Variants in GPHN observed in about 807,000 individuals in gnomAD.
GPHN encodes the protein gephyrin.
A neutral mutation model predicts 95.5 loss-of-function variants in GPHN; 17 were observed. The observed-to-expected ratio is 0.18, with a 90% CI of 0.12 to 0.27. GPHN has a LOEUF of 0.27. GPHN is among the 10% of genes least tolerant of loss of function. The probability of loss-of-function intolerance (pLI) is 1.00; values close to 1 mark genes in which losing one functional copy is unlikely to be tolerated. For synonymous variants in GPHN, 320 were observed against 322.5 expected (o/e 0.99, Z 0.08); for missense variants, 660 against 978.1 (o/e 0.67, Z 4.34).
chr14:67,303,159 T>G, the GPHN span, among the ~76,000 whole-genome samples: 2 of 152,228 alleles, frequency 1.3e-5, no homozygotes. Flanking sequence ...TTTCCATCAT[T>G]GGAGAAAGTT....
At chr14:67,285,523 C>A in the GPHN span, among the ~76,000 whole-genome samples, 1 of 152,026 alleles carries the variant, frequency 6.6e-6, no homozygotes, top group Non-Finnish European at 1.5e-5. Context: ...CCCACCACCA[C>A]CCCTGGCTAA....
At chr14:67,103,621 A>T (rs527670820) in intron 13 of GPHN, among the ~76,000 whole-genome samples, 4 of 127,398 alleles carry the variant, frequency 3.1e-5, no homozygotes, top group South Asian at 2.7e-4. Context: ...TTATTCCTAA[A>T]TTTTTTTTGT....
chr14:67,507,299 T>C, the GPHN span, among the ~76,000 whole-genome samples: 1 of 151,102 alleles, frequency 6.6e-6, no homozygotes, highest in Non-Finnish European at 1.5e-5. Flanking sequence ...CAGTGAGCTA[T>C]GATTATGCCA....
the GPHN span, chr14:67,382,604 A>G: frequency 6.2e-7 from 1 of 1,613,712 alleles, no homozygotes; most frequent in Non-Finnish European, 8.5e-7. Flanking sequence ...AGATCAATAG[A>G]TTCATTTTTA....
chr14:67,693,035 C>T, the GPHN span: 2 of 1,612,836 alleles, frequency 1.2e-6, no homozygotes, highest in Non-Finnish European at 1.7e-6. Flanking sequence ...TGTACACACC[C>T]CACTGGACAG....
the GPHN span, among the ~76,000 whole-genome samples, chr14:67,506,411 C>T: frequency 6.6e-6 from 1 of 152,134 alleles, no homozygotes; most frequent in Non-Finnish European, 1.5e-5. Flanking sequence ...TTGATGAGTA[C>T]ATTCCAATGA....
At chr14:66,644,433 CA>C (rs769574477) in intron 1 of GPHN, among the ~76,000 whole-genome samples, 1 of 151,906 alleles carries the variant, frequency 6.6e-6, no homozygotes, top group Non-Finnish European at 1.5e-5. Context: ...TTATCTATGC[CA>C]CCCACTACCA....
the GPHN span, among the ~76,000 whole-genome samples, chr14:67,422,323 C>T: frequency 6.6e-6 from 1 of 152,162 alleles, no homozygotes; most frequent in South Asian, 2.1e-4. Flanking sequence ...AACGCTTTCC[C>T]CTGGCTCCTG....
the GPHN span, among the ~76,000 whole-genome samples, chr14:67,531,477 C>T: frequency 1.3e-5 from 2 of 152,078 alleles, no homozygotes. Context: ...TGGCCCCAAA[C>T]TCATTGAAAG....
the GPHN span, among the ~76,000 whole-genome samples, chr14:67,231,625 A>G: frequency 6.6e-6 from 1 of 152,078 alleles, no homozygotes; most frequent in African/African-American, 2.4e-5. Flanking sequence ...TAGTGTGTAT[A>G]TTTATCCAAC....
chr14:67,040,892 C>T (rs996514436), intron 10 of GPHN, among the ~76,000 whole-genome samples: 4 of 152,180 alleles, frequency 2.6e-5, no homozygotes, highest in South Asian at 4.2e-4. Flanking sequence ...AGGGTGTCTG[C>T]GAGATTTCTC....
the GPHN span, among the ~76,000 whole-genome samples, chr14:67,212,385 C>T: frequency 5.9e-5 from 9 of 151,470 alleles, no homozygotes; most frequent in African/African-American, 1.5e-4. Context: ...CCAAGGAGTT[C>T]GAGACCAGCC....
chr14:67,036,633 A>G (rs2074441277), intron 10 of GPHN, among the ~76,000 whole-genome samples: 1 of 151,820 alleles, frequency 6.6e-6, no homozygotes, highest in Admixed American at 6.6e-5. Flanking sequence ...ATTTTTATAC[A>G]CTAACAGTGA....
chr14:67,642,168 T>A, the GPHN span: 104 of 1,611,256 alleles, frequency 6.5e-5, no homozygotes, highest in Non-Finnish European at 7.6e-5. Flanking sequence ...CATCTTGTCA[T>A]CCCTCATTTG....
chr14:67,101,651 GA>G (rs956598394), intron 13 of GPHN, among the ~76,000 whole-genome samples: 1 of 151,242 alleles, frequency 6.6e-6, no homozygotes, highest in African/African-American at 2.4e-5. Context: ...CTTCAAAGTA[GA>G]AAAAAACTGA....
At chr14:67,295,229 A>G in the GPHN span, among the ~76,000 whole-genome samples, 1 of 151,778 alleles carries the variant, frequency 6.6e-6, no homozygotes, top group Non-Finnish European at 1.5e-5. Flanking sequence ...TCACGCCTGT[A>G]ATCCCAGCAT....
At chr14:67,687,504 CTT>C in the GPHN span, among the ~76,000 whole-genome samples, 1 of 116,548 alleles carries the variant, frequency 8.6e-6, no homozygotes, top group Admixed American at 1.1e-4. Context: ...GAGTTTCACT[CTT>C]GTTTGCCCAG....
At chr14:67,576,428 G>C in the GPHN span, 11 of 1,609,406 alleles carry the variant, frequency 6.8e-6, no homozygotes, top group Admixed American at 8.3e-5. This position sits in a 1 kb window ranked among gnomAD's most constrained non-coding sequence, Gnocchi z 4.0. Context: ...AGTGGCTGCA[G>C]GTGGCAGCAG....
intron 4 of GPHN, among the ~76,000 whole-genome samples, chr14:66,837,653 A>G (rs1236942118): frequency 2.0e-5 from 3 of 149,788 alleles, no homozygotes; most frequent in South Asian, 2.1e-4. Context: ...AAATAAATAA[A>G]TAAAAAGACT....
Sources: allele counts gnomAD v4.1 joint callset (sites outside exome capture counted in the v4.1 genomes callset), GRCh38; gene constraint gnomAD v4.1.1; non-coding constraint Gnocchi (gnomAD v3.1); transcripts MANE v1.5; gene names NCBI Gene and HGNC (gene_info 2026-07-23, HGNC 2026-07-21).